The following NEK7 variants were observed in gnomAD, a reference collection of about 807,000 sequenced individuals.
NEK7 encodes serine/threonine-protein kinase Nek7.
NEK7 carries 18 observed loss-of-function variants against 44.6 expected under a neutral mutation model. The ratio of observed to expected loss-of-function variants is 0.40; its 90% CI spans 0.28 to 0.60. NEK7 has a LOEUF of 0.60. Among genes scored for constraint, NEK7 ranks in the 20% least tolerant of loss-of-function variants. The pLI is 0.38. For missense variants in NEK7, 256 were observed against 366.5 expected, an observed-to-expected ratio of 0.70 and a Z score of 2.46; for synonymous variants, 130 against 121.1, an observed-to-expected ratio of 1.07 and a Z score of -0.48.
chr1:198,255,585 G>A (rs1417119502), intron 3 of NEK7, among the ~76,000 whole-genome samples: 1 of 152,162 alleles, frequency 6.6e-6, no homozygotes, highest in Non-Finnish European at 1.5e-5. Context: ...TTGAATAAGT[G>A]TGAGTTAATT....
At chr1:198,207,966 A>G (rs891865202) in intron 1 of NEK7, among the ~76,000 whole-genome samples, 51 of 152,246 alleles carry the variant, frequency 3.3e-4, no homozygotes, top group African/African-American at 1.2e-3. Flanking sequence ...CTTCAACTTC[A>G]TTTATCTCTC....
chr1:198,222,158 GT>G (rs1393901242), intron 1 of NEK7, among the ~76,000 whole-genome samples: 2 of 151,896 alleles, frequency 1.3e-5, no homozygotes, highest in African/African-American at 4.8e-5. Context: ...CATAAAATAT[GT>G]GACCATATGC....
chr1:198,319,121 T>C (rs1174306867), intron 9 of NEK7, among the ~76,000 whole-genome samples: 3 of 152,194 alleles, frequency 2.0e-5, no homozygotes, highest in African/African-American at 7.2e-5. Flanking sequence ...CAGTGACTGC[T>C]ATCTTCTGAT....
intron 2 of NEK7, among the ~76,000 whole-genome samples, chr1:198,242,473 CTTTTTTTT>C (rs35704352): frequency 5.6e-5 from 6 of 107,146 alleles, no homozygotes; most frequent in Admixed American, 1.9e-4. Context: ...TCTCAGCTCA[CTTTTTTTT>C]TTTTTTTTTG....
chr1:198,225,284 G>A (rs1666184632), intron 1 of NEK7, among the ~76,000 whole-genome samples: 1 of 150,868 alleles, frequency 6.6e-6, no homozygotes, highest in African/African-American at 2.4e-5. Flanking sequence ...AGGTCTTGGA[G>A]CACTCCAGCA....
chr1:198,250,613 T>C (rs1429764298), intron 2 of NEK7, among the ~76,000 whole-genome samples: 1 of 139,416 alleles, frequency 7.2e-6, no homozygotes, highest in Non-Finnish European at 1.5e-5. Flanking sequence ...GTAAGTTGGA[T>C]TCCTAGGTAT....
chr1:198,283,268 G>A (rs563037238), intron 7 of NEK7, among the ~76,000 whole-genome samples: 7 of 152,196 alleles, frequency 4.6e-5, no homozygotes, highest in African/African-American at 1.7e-4. Flanking sequence ...AGCCTCCTTC[G>A]TTCTTCTTTG....
intron 2 of NEK7, among the ~76,000 whole-genome samples, chr1:198,252,260 T>C (rs1238663545): frequency 1.3e-5 from 2 of 152,058 alleles, no homozygotes; most frequent in Admixed American, 1.3e-4. Context: ...TAATTTCTGA[T>C]CTTTTACATT....
At chr1:198,252,528 C>CTATATG (rs1653055725) in intron 2 of NEK7, among the ~76,000 whole-genome samples, 3 of 32,694 alleles carry the variant, frequency 9.2e-5, no homozygotes, top group Admixed American at 6.9e-4. Context: ...ATCTCACATA[C>CTATATG]TATATATATA....
At chr1:198,316,526 C>T (rs1655372995) in intron 9 of NEK7, among the ~76,000 whole-genome samples, 1 of 152,156 alleles carries the variant, frequency 6.6e-6, no homozygotes, top group South Asian at 2.1e-4. Context: ...TTATTTCCTC[C>T]TCTGGGCAGC....
At chr1:198,277,855 T>C (rs1205198345) in intron 5 of NEK7, 106 bp from the exon 6 acceptor site, 7 of 641,378 alleles carry the variant, frequency 1.1e-5, no homozygotes, top group Middle Eastern at 4.2e-4. Context: ...TAGTTGATAA[T>C]GGTAGATAAA....
chr1:198,260,874 A>T (rs1653439281), intron 3 of NEK7, among the ~76,000 whole-genome samples: 1 of 149,060 alleles, frequency 6.7e-6, no homozygotes, highest in Non-Finnish European at 1.5e-5. Context: ...AATAGAAGGG[A>T]CTGAGCCAAA....
intron 1 of NEK7, among the ~76,000 whole-genome samples, chr1:198,182,102 C>T (rs1664785493): frequency 6.6e-6 from 1 of 151,982 alleles, no homozygotes; most frequent in South Asian, 2.1e-4. Context: ...AGGTAGGCAA[C>T]AGGTAGAAGT....
At chr1:198,255,775 G>A (rs777712300) in intron 3 of NEK7, among the ~76,000 whole-genome samples, 4 of 152,082 alleles carry the variant, frequency 2.6e-5, no homozygotes, top group Admixed American at 6.6e-5. Flanking sequence ...TTTCTTCATA[G>A]AAGACAGAAA....
intron 1 of NEK7, among the ~76,000 whole-genome samples, chr1:198,187,481 TC>T (rs1308124880): frequency 1.3e-5 from 2 of 152,270 alleles, no homozygotes; most frequent in South Asian, 2.1e-4. Flanking sequence ...ATTCAGATAC[TC>T]CCGTGGCTGC....
chr1:198,274,565 A>G (rs1169095774), intron 5 of NEK7, among the ~76,000 whole-genome samples: 1 of 151,774 alleles, frequency 6.6e-6, no homozygotes, highest in Non-Finnish European at 1.5e-5. Context: ...GTAAAATAAG[A>G]TCATTTTCTA....
chr1:198,186,637 C>T (rs1664933836), intron 1 of NEK7, among the ~76,000 whole-genome samples: 1 of 152,130 alleles, frequency 6.6e-6, no homozygotes, highest in African/African-American at 2.4e-5. Flanking sequence ...CAACCTTTGC[C>T]CATACACATT....
intron 9 of NEK7, among the ~76,000 whole-genome samples, chr1:198,305,723 C>T (rs1389638976): frequency 2.6e-5 from 4 of 152,018 alleles, no homozygotes; most frequent in African/African-American, 9.7e-5. Flanking sequence ...TAAAGTAGGC[C>T]TGTGTCTTAT....
Position 198,182,869 on chromosome 1 carries a change from T to C in NEK7, c.-29+25593T>C, listed in dbSNP as rs566342305. Among the ~76,000 whole-genome samples the C allele has an allele frequency of 1.5e-4, 23 of 152,264 alleles. No homozygotes were observed. In the East Asian group the frequency reaches 2.9e-3, roughly 19 times the overall value. On this transcript the variant is annotated intron_variant, in intron 1 of 9. Coordinates refer to ENST00000367385, the MANE Select transcript of NEK7 (RefSeq NM_133494.3). ...GTTGTTATGGACTTCATAATCCCGA[T>C]TGATAGTAGTCATTAACAATATAAG...
Sources: gnomAD v4.1 joint callset for allele counts (sites outside exome capture counted in the v4.1 genomes callset) on GRCh38, gnomAD v4.1.1 for gene constraint, MANE v1.5 for transcripts, NCBI Gene and HGNC (gene_info 2026-07-23, HGNC 2026-07-21) for gene names.